The following TMEM232 variants were observed in gnomAD, a reference collection of about 807,000 sequenced individuals.
TMEM232 encodes transmembrane protein 232.
A neutral mutation model predicts 78.8 loss-of-function variants in TMEM232; 80 were observed. The observed-to-expected ratio is 1.01, with a 90% CI of 0.85 to 1.22. The LOEUF is 1.22. Among genes scored for constraint, TMEM232 ranks in the 50% most tolerant of loss-of-function variants. The pLI, the probability that TMEM232 is intolerant of heterozygous loss-of-function variation, is 0.00. For synonymous variants in TMEM232, 297 were observed against 254.3 expected (o/e 1.17, Z -1.60); for missense variants, 881 against 742.2 (o/e 1.19, Z -2.17).
At chr5:110,438,311 G>A (rs1267007993) in intron 12 of TMEM232, among the ~76,000 whole-genome samples, 2 of 151,464 alleles carry the variant, frequency 1.3e-5, no homozygotes, top group Admixed American at 6.6e-5. Context: ...GGTTTGGGCT[G>A]TGTCTGCTCA....
At chr5:110,519,692 T>C (rs1388710129) in intron 12 of TMEM232, among the ~76,000 whole-genome samples, 3 of 152,010 alleles carry the variant, frequency 2.0e-5, no homozygotes, top group Non-Finnish European at 4.4e-5. Flanking sequence ...ACAGCACTGT[T>C]ACAATAGCCA....
intron 1 of TMEM232, among the ~76,000 whole-genome samples, chr5:110,704,686 C>T (rs1205499798): frequency 2.0e-5 from 3 of 151,864 alleles, no homozygotes. Context: ...TGTAACTAGC[C>T]CAGTGCTCCT....
chr5:110,490,192 A>AGAAAGAAAGAAAGAAAGAAAGAAG (rs879275196), intron 12 of TMEM232, among the ~76,000 whole-genome samples: 1 of 150,618 alleles, frequency 6.6e-6, no homozygotes, highest in Non-Finnish European at 1.5e-5. Context: ...AAAGAAAGAA[A>AGAAAGAAAGAAAGAAAGAAAGAAG]AAGTTAATTG....
intron 12 of TMEM232, among the ~76,000 whole-genome samples, chr5:110,497,507 T>C (rs546902180): frequency 6.6e-6 from 1 of 152,116 alleles, no homozygotes. Flanking sequence ...GGGCTTTGTA[T>C]ACCAATCAAA....
intron 5 of TMEM232, among the ~76,000 whole-genome samples, chr5:110,636,318 T>C (rs1040045219): frequency 9.9e-5 from 15 of 151,892 alleles, no homozygotes; most frequent in Admixed American, 7.2e-4. Context: ...GGTACAAATA[T>C]AGCATTAGAT....
At chr5:110,554,557 T>C (rs919026716) in intron 11 of TMEM232, among the ~76,000 whole-genome samples, 14 of 152,120 alleles carry the variant, frequency 9.2e-5, no homozygotes, top group Admixed American at 3.3e-4. Flanking sequence ...TGTGCTAGGA[T>C]TGTATTTTGT....
chr5:110,537,025 A>G (rs1407460376), intron 11 of TMEM232, among the ~76,000 whole-genome samples: 1 of 152,140 alleles, frequency 6.6e-6, no homozygotes, highest in Non-Finnish European at 1.5e-5. Context: ...AGGGCTCAAA[A>G]GGTGAATGCC....
At chr5:110,484,093 T>C (rs1764205096) in intron 12 of TMEM232, among the ~76,000 whole-genome samples, 1 of 152,070 alleles carries the variant, frequency 6.6e-6, no homozygotes, top group African/African-American at 2.4e-5. Flanking sequence ...CTCATACATA[T>C]AAGTGGGAGC....
chr5:110,485,615 C>T (rs1764375846), intron 12 of TMEM232, among the ~76,000 whole-genome samples: 1 of 152,070 alleles, frequency 6.6e-6, no homozygotes, highest in African/African-American at 2.4e-5. Context: ...CAATCTTATC[C>T]AGGTCACTGC....
chr5:110,598,283 G>C (rs1780441761), intron 10 of TMEM232, among the ~76,000 whole-genome samples: 1 of 152,150 alleles, frequency 6.6e-6, no homozygotes, highest in African/African-American at 2.4e-5. Flanking sequence ...CTGGCCATCA[G>C]AGAAATGCAA....
At chr5:110,598,072 A>AT (rs1409112605) in intron 10 of TMEM232, among the ~76,000 whole-genome samples, 1 of 152,202 alleles carries the variant, frequency 6.6e-6, no homozygotes, top group Non-Finnish European at 1.5e-5. Flanking sequence ...CAGAGCATAC[A>AT]GGCAACCTAC....
chr5:110,446,187 T>A (rs1441487847), intron 12 of TMEM232, among the ~76,000 whole-genome samples: 1 of 152,046 alleles, frequency 6.6e-6, no homozygotes, highest in Non-Finnish European at 1.5e-5. Flanking sequence ...CCTCTGACCT[T>A]TAAGGAGAGT....
intron 12 of TMEM232, among the ~76,000 whole-genome samples, chr5:110,495,593 T>G (rs1255005126): frequency 1.3e-5 from 2 of 151,828 alleles, no homozygotes; most frequent in Non-Finnish European, 2.9e-5. Context: ...TTTACAGATA[T>G]AAAAATTATG....
chr5:110,671,663 C>T (rs373602764), intron 1 of TMEM232, among the ~76,000 whole-genome samples: 17 of 152,200 alleles, frequency 1.1e-4, no homozygotes, highest in South Asian at 1.0e-3. Context: ...CCAAACATTG[C>T]GTATTCTCAC....
At chr5:110,435,333 T>C (rs1244836449) in intron 12 of TMEM232, among the ~76,000 whole-genome samples, 1 of 151,780 alleles carries the variant, frequency 6.6e-6, no homozygotes, top group Non-Finnish European at 1.5e-5. Flanking sequence ...TTCTAATGTT[T>C]AAATTTTTAT....
chr5:110,476,868 C>T (rs553047562), intron 12 of TMEM232, among the ~76,000 whole-genome samples: 5 of 152,054 alleles, frequency 3.3e-5, no homozygotes, highest in African/African-American at 1.2e-4. Context: ...AAAAAGGTTA[C>T]GATTTTAATT....
intron 1 of TMEM232, among the ~76,000 whole-genome samples, chr5:110,705,127 A>G (rs986738076): frequency 6.6e-6 from 1 of 152,126 alleles, no homozygotes; most frequent in Non-Finnish European, 1.5e-5. Context: ...TGAACTTGGA[A>G]CACCCAACAT....
chr5:110,591,907 A>G (rs1779588603), intron 10 of TMEM232, among the ~76,000 whole-genome samples: 1 of 152,104 alleles, frequency 6.6e-6, no homozygotes, highest in Non-Finnish European at 1.5e-5. Flanking sequence ...ATCTCCCAAT[A>G]AGTATTTTGA....
chr5:110,390,086 A>G (rs560620676), intron 4 of TMEM232, among the ~76,000 whole-genome samples: 2 of 152,278 alleles, frequency 1.3e-5, no homozygotes, highest in Admixed American at 6.5e-5. Flanking sequence ...AAATGTGGCT[A>G]TATCTTCTCT....
Sources: allele counts gnomAD v4.1 joint callset (sites outside exome capture counted in the v4.1 genomes callset), GRCh38; gene constraint gnomAD v4.1.1; transcripts MANE v1.5; gene names NCBI Gene and HGNC (gene_info 2026-07-23, HGNC 2026-07-21).